Variants in NELL2 observed in about 807,000 individuals in gnomAD.
NELL2 encodes the protein neural EGFL like 2.
Under a neutral mutation model 109.6 loss-of-function variants are expected in NELL2, and 41 were observed. The observed-to-expected ratio is 0.37, with a 90% confidence interval of 0.29 to 0.49. The LOEUF (loss-of-function observed/expected upper bound fraction) is 0.49, where lower values mean the gene tolerates loss of function less well. Among genes scored for constraint, NELL2 ranks in the 20% least tolerant of loss-of-function variants. The pLI, the probability that NELL2 is intolerant of heterozygous loss-of-function variation, is 0.98. For missense variants in NELL2, 900 were observed against 1,008.3 expected, an observed-to-expected ratio of 0.89 and a Z score of 1.45; for synonymous variants, 355 against 344.7, an observed-to-expected ratio of 1.03 and a Z score of -0.33.
At chr12:44,691,255 G>T (rs1456080142) in intron 12 of NELL2, among the ~76,000 whole-genome samples, 1 of 152,066 alleles carries the variant, frequency 6.6e-6, no homozygotes, top group African/African-American at 2.4e-5. Context: ...TCCATGTCAC[G>T]TTTTGGAAAT....
chr12:44,642,264 A>C (rs556872360), intron 13 of NELL2, among the ~76,000 whole-genome samples: 8 of 152,306 alleles, frequency 5.3e-5, no homozygotes, highest in African/African-American at 1.9e-4. Context: ...TGTTGAAAAC[A>C]CTCATTAGGA....
At chr12:44,536,778 C>G (rs1182054820) in intron 15 of NELL2, among the ~76,000 whole-genome samples, 2 of 151,786 alleles carry the variant, frequency 1.3e-5, no homozygotes, top group Admixed American at 6.6e-5. Flanking sequence ...ACATTTAGAA[C>G]AGTCAGCTAG....
rs1236009871 is a variant in NELL2, at chr12:44,731,511, TAAG to T, written c.995-16773_995-16771del. The stretch of plus-strand genomic sequence containing the variant: ...ATAACATCACATAATCATTTTAATA[TAAG>T]AAGAAAAAGCATTTGACAGAATTCA... On this transcript the variant is annotated intron_variant, in intron 9 of 19. Coordinates refer to ENST00000429094, the MANE Select transcript of NELL2 (RefSeq NM_001145108.2). Among the ~76,000 whole-genome samples the T allele has an allele frequency of 2.0e-5, 3 of 151,986 alleles. No homozygotes were observed. In the East Asian group the frequency reaches 5.8e-4, roughly 29 times the overall value.
chr12:44,605,791 T>C (rs1406252176), intron 15 of NELL2, among the ~76,000 whole-genome samples: 4 of 152,120 alleles, frequency 2.6e-5, no homozygotes, highest in Non-Finnish European at 5.9e-5. Flanking sequence ...AAATATTGTA[T>C]TCAGGAAGCC....
At chr12:44,650,870 T>C (rs1947276743) in intron 13 of NELL2, among the ~76,000 whole-genome samples, 2 of 152,158 alleles carry the variant, frequency 1.3e-5, no homozygotes, top group Admixed American at 6.5e-5. Flanking sequence ...AGAAATTAAA[T>C]TGCCCTGAAC....
chr12:44,692,213 C>T (rs1263080770), intron 12 of NELL2, among the ~76,000 whole-genome samples: 1 of 152,132 alleles, frequency 6.6e-6, no homozygotes, highest in Admixed American at 6.6e-5. Flanking sequence ...ATTTCAAAAA[C>T]CCTAGGGCCC....
intron 12 of NELL2, among the ~76,000 whole-genome samples, chr12:44,673,303 T>C (rs1248539346): frequency 3.9e-5 from 6 of 152,184 alleles, no homozygotes; most frequent in African/African-American, 1.4e-4. Context: ...TCAAATTTAG[T>C]CCAGGGTGTA....
chr12:44,666,302 G>A (rs1947924527), intron 12 of NELL2, among the ~76,000 whole-genome samples: 1 of 152,172 alleles, frequency 6.6e-6, no homozygotes, highest in Non-Finnish European at 1.5e-5. Context: ...TCATTGTGAA[G>A]AATGTGAATT....
Position 44,861,258 on chromosome 12 carries a change from G to C in NELL2, c.184+13967C>G, listed in dbSNP as rs138231140. On this transcript the variant is annotated intron_variant, in intron 2 of 19. Coordinates refer to ENST00000429094, the MANE Select transcript of NELL2 (RefSeq NM_001145108.2). ...GAAATAAAAATGAGCACTTGACTTTGTTTCAGACCCCAAAAATAGGCCTGA... is the reference window on the plus strand; with the variant it reads ...GAAATAAAAATGAGCACTTGACTTTCTTTCAGACCCCAAAAATAGGCCTGA... Among the ~76,000 whole-genome samples the C allele has an allele frequency of 1.6e-4, 25 of 152,258 alleles. 1 individual carries two copies. The East Asian group carries it at 3.5e-3, about 21-fold the overall frequency.
intron 3 of NELL2, among the ~76,000 whole-genome samples, chr12:44,782,451 G>A (rs1014607668): frequency 6.6e-6 from 1 of 151,878 alleles, no homozygotes; most frequent in Non-Finnish European, 1.5e-5. Context: ...TTAAAAGAAA[G>A]AGATTAGCAG....
intron 3 of NELL2, among the ~76,000 whole-genome samples, chr12:44,807,401 T>A (rs1370477732): frequency 6.6e-6 from 1 of 150,628 alleles, no homozygotes; most frequent in African/African-American, 2.4e-5. Flanking sequence ...CAAAAAAAAA[T>A]ATCCGTTCAT....
At chr12:44,644,374 A>C (rs986728105) in intron 13 of NELL2, among the ~76,000 whole-genome samples, 8 of 151,808 alleles carry the variant, frequency 5.3e-5, no homozygotes, top group African/African-American at 1.9e-4. Context: ...ATGGAAGAGA[A>C]CCATGGCAAC....
intron 15 of NELL2, among the ~76,000 whole-genome samples, chr12:44,573,903 G>A (rs974203158): frequency 1.3e-5 from 2 of 152,144 alleles, no homozygotes; most frequent in Non-Finnish European, 2.9e-5. Context: ...ACATGGAGAC[G>A]TTCTGCACTC....
chr12:44,569,873 G>A (rs1447555962), intron 15 of NELL2, among the ~76,000 whole-genome samples: 3 of 151,870 alleles, frequency 2.0e-5, no homozygotes, highest in East Asian at 1.9e-4. Context: ...ATAAGGACTG[G>A]GAAATTAGCT....
intron 19 of NELL2, among the ~76,000 whole-genome samples, chr12:44,512,193 G>T (rs573166240): frequency 6.6e-6 from 1 of 152,126 alleles, no homozygotes; most frequent in East Asian, 1.9e-4. Context: ...TTGCTGAAAA[G>T]AAGTCATACA....
intron 9 of NELL2, among the ~76,000 whole-genome samples, chr12:44,755,518 C>A (rs11182640): frequency 0.41 from 62,366 of 151,366 alleles, 13,445 homozygotes; most frequent in Non-Finnish European, 0.48. Context: ...TGCACCCTGG[C>A]CTTTTTACTC....
At chr12:44,594,496 C>A (rs1450386826) in intron 15 of NELL2, among the ~76,000 whole-genome samples, 1 of 151,900 alleles carries the variant, frequency 6.6e-6, no homozygotes, top group Non-Finnish European at 1.5e-5. Context: ...TTGAATGCTG[C>A]AGAAAGGTCA....
chr12:44,677,948 G>A (rs1422937299), intron 12 of NELL2, among the ~76,000 whole-genome samples: 3 of 152,072 alleles, frequency 2.0e-5, no homozygotes, highest in Non-Finnish European at 4.4e-5. Context: ...TGAGATATGT[G>A]GGTCTAGAGC....
chr12:44,867,524 T>A, intron 2 of NELL2, among the ~76,000 whole-genome samples: 1 of 152,192 alleles, frequency 6.6e-6, no homozygotes, highest in East Asian at 1.9e-4. Flanking sequence ...AACATTATAC[T>A]CAACAGTAAA....
Sources: allele counts gnomAD v4.1 joint callset (sites outside exome capture counted in the v4.1 genomes callset), GRCh38; gene constraint gnomAD v4.1.1; transcripts MANE v1.5; gene names NCBI Gene and HGNC (gene_info 2026-07-23, HGNC 2026-07-21).